Variants in SLC25A12 observed in about 807,000 individuals in gnomAD.
SLC25A12 encodes the protein solute carrier family 25 member 12, also known as electrogenic aspartate/glutamate antiporter SLC25A12, mitochondrial.
A neutral mutation model predicts 83.3 loss-of-function variants in SLC25A12; 32 were observed. That is an observed-to-expected ratio of 0.38 (90% CI 0.29 to 0.52). The LOEUF (loss-of-function observed/expected upper bound fraction) is 0.52. Among genes scored for constraint, SLC25A12 ranks in the 20% least tolerant of loss-of-function variants. The probability of loss-of-function intolerance (pLI) is 0.84; values close to 1 mark genes in which losing one functional copy is unlikely to be tolerated. For synonymous variants in SLC25A12, 267 were observed against 291.1 expected (o/e 0.92, Z 0.84); for missense variants, 611 against 835.6 (o/e 0.73, Z 3.31).
At chr2:171,851,745 T>C (rs1415492674) in intron 4 of SLC25A12, among the ~76,000 whole-genome samples, 1 of 152,060 alleles carries the variant, frequency 6.6e-6, no homozygotes, top group Non-Finnish European at 1.5e-5. Flanking sequence ...ATGTCACCCG[T>C]GCTGGTCTTG....
intron 13 of SLC25A12, among the ~76,000 whole-genome samples, chr2:171,805,882 G>A (rs1317689901): frequency 1.3e-5 from 2 of 152,228 alleles, no homozygotes; most frequent in African/African-American, 4.8e-5. Flanking sequence ...GCCAAGGCAG[G>A]TGGGTTGCTT....
At chr2:171,844,840 T>C (rs1684759508) in intron 4 of SLC25A12, among the ~76,000 whole-genome samples, 1 of 152,178 alleles carries the variant, frequency 6.6e-6, no homozygotes, top group South Asian at 2.1e-4. Flanking sequence ...CAATAGTGTT[T>C]TCCCAGTTTC....
chr2:171,813,178 A>G (rs1683982348), intron 11 of SLC25A12, among the ~76,000 whole-genome samples, 161 bp downstream of exon 11: 1 of 152,204 alleles, frequency 6.6e-6, no homozygotes, highest in South Asian at 2.1e-4. Context: ...AATCACCAGA[A>G]AGAATGCAAA....
At chr2:171,893,040 C>A (rs1256716456) in intron 2 of SLC25A12, among the ~76,000 whole-genome samples, 165 bp downstream of exon 2, 2 of 151,504 alleles carry the variant, frequency 1.3e-5, no homozygotes, top group Admixed American at 1.3e-4. Context: ...TAAAAGAAGG[C>A]CTTAAATCAA....
At chr2:171,791,376 G>A in intron 15 of SLC25A12, 75 bp downstream of exon 15, 1 of 1,223,686 alleles carries the variant, frequency 8.2e-7, no homozygotes, top group Non-Finnish European at 1.2e-6. Context: ...GAAATAAAGG[G>A]GGAAAGTACA....
At chr2:171,787,537 A>T in intron 17 of SLC25A12, 34 bp downstream of exon 17, 1 of 1,491,062 alleles carries the variant, frequency 6.7e-7, no homozygotes, top group Non-Finnish European at 9.4e-7. Context: ...GGACTTAGTG[A>T]TTTCTTTGTA....
chr2:171,844,681 T>C (rs1206094143), intron 4 of SLC25A12, among the ~76,000 whole-genome samples, 173 bp from the exon 5 acceptor site: 2 of 152,200 alleles, frequency 1.3e-5, no homozygotes, highest in Admixed American at 1.3e-4. Flanking sequence ...GGAACACAAC[T>C]GATACAAAAA....
chr2:171,882,411 T>TA (rs1160167352), intron 2 of SLC25A12, among the ~76,000 whole-genome samples: 1 of 152,184 alleles, frequency 6.6e-6, no homozygotes, highest in Non-Finnish European at 1.5e-5. Context: ...TTCCTAGACT[T>TA]AACCTAGAAA....
chr2:171,865,990 C>G (rs1017287665), intron 3 of SLC25A12, among the ~76,000 whole-genome samples: 1 of 142,750 alleles, frequency 7.0e-6, no homozygotes, highest in Non-Finnish European at 1.5e-5. Context: ...GACCCTGCGG[C>G]CTTCCGCAGT....
chr2:171,871,241 C>A (rs1685450837), intron 2 of SLC25A12, among the ~76,000 whole-genome samples: 1 of 151,884 alleles, frequency 6.6e-6, no homozygotes, highest in Non-Finnish European at 1.5e-5. Flanking sequence ...CAGAGACTAC[C>A]ACCACAAGTG....
At chr2:171,886,512 C>CT (rs370401395) in intron 2 of SLC25A12, among the ~76,000 whole-genome samples, 3,041 of 127,582 alleles carry the variant, frequency 0.024, 113 homozygotes, top group African/African-American at 0.081. Context: ...CATATATATT[C>CT]TTTTTTTTTT....
At chr2:171,852,057 A>G (rs916784651) in intron 4 of SLC25A12, among the ~76,000 whole-genome samples, 2 of 152,218 alleles carry the variant, frequency 1.3e-5, no homozygotes, top group African/African-American at 4.8e-5. Context: ...TATACAAACC[A>G]TTAAGTAATT....
intron 10 of SLC25A12, 84 bp from the exon 11 acceptor site, chr2:171,813,581 A>G: frequency 1.4e-6 from 2 of 1,422,294 alleles, no homozygotes; most frequent in East Asian, 2.3e-5. Context: ...ATCTTAAAGG[A>G]TGAGAAAATA....
intron 2 of SLC25A12, among the ~76,000 whole-genome samples, chr2:171,886,725 T>G (rs185247540): frequency 1.3e-5 from 2 of 152,080 alleles, no homozygotes; most frequent in East Asian, 3.9e-4. Flanking sequence ...TTAGCCAGGA[T>G]GGTCTCAATC....
chr2:171,821,014 A>ATTTT (rs1684176865), intron 9 of SLC25A12, among the ~76,000 whole-genome samples: 1 of 111,890 alleles, frequency 8.9e-6, no homozygotes, highest in African/African-American at 3.6e-5. Flanking sequence ...AGCTATAAAC[A>ATTTT]TTCTTTTTTT....
intron 9 of SLC25A12, among the ~76,000 whole-genome samples, chr2:171,821,855 T>A (rs1996424): frequency 0.25 from 38,409 of 152,128 alleles, 5,897 homozygotes; most frequent in Middle Eastern, 0.36. Flanking sequence ...AACTTATTAA[T>A]CTTTTTCTTT....
intron 15 of SLC25A12, among the ~76,000 whole-genome samples, chr2:171,790,864 A>T (rs1202275348): frequency 2.6e-5 from 4 of 152,048 alleles, no homozygotes; most frequent in Non-Finnish European, 1.5e-5. Context: ...GGCACGCACC[A>T]CTACACCTGG....
Position 171,788,028 on chromosome 2 carries a change from T to C in SLC25A12, c.1586-81A>G, listed in dbSNP as rs1690522405. On this transcript the variant is annotated intron_variant, in intron 15 of 17. Coordinates refer to ENST00000422440, the MANE Select transcript of SLC25A12 (RefSeq NM_003705.5). ...TACTGCTAACATCTACTATAGAGCC[T>C]GCAACTTCAACCACTTGAGCGGAAC... is the stretch of plus-strand genomic sequence containing the variant. 3.3e-5 allele frequency: 47 copies of C among 1,434,372 alleles called. No homozygotes were observed. In the South Asian group the frequency reaches 5.6e-4, roughly 17 times the overall value. 88.9% of individuals were successfully genotyped at this position (1,434,372 alleles called of 1,614,324 possible). A position where few individuals can be genotyped will look rare whatever the true frequency, so the allele number is the denominator to read the frequency against.
intron 6 of SLC25A12, among the ~76,000 whole-genome samples, chr2:171,835,118 A>G (rs748872883): frequency 4.6e-5 from 7 of 152,228 alleles, no homozygotes; most frequent in Non-Finnish European, 8.8e-5. Context: ...TCTACCTATA[A>G]GGTCAAAAAC....
Sources: allele counts gnomAD v4.1 joint callset (sites outside exome capture counted in the v4.1 genomes callset), GRCh38; gene constraint gnomAD v4.1.1; transcripts MANE v1.5; gene names NCBI Gene and HGNC (gene_info 2026-07-23, HGNC 2026-07-21).